ZNF551: variants seen among roughly 807,000 people sequenced by gnomAD.
The protein encoded by ZNF551 is KOX 23 protein (56 AA).
A neutral mutation model predicts 7.9 loss-of-function variants in ZNF551; 5 were observed. The observed-to-expected ratio is 0.63, with a 90% CI of 0.33 to 1.33. The LOEUF is 1.33. Among genes scored for constraint, ZNF551 ranks in the 40% most tolerant of loss-of-function variants. ZNF551 has a pLI of 0.05. For synonymous variants in ZNF551, 287 were observed against 277.3 expected (o/e 1.03, Z -0.35); for missense variants, 788 against 825.2 (o/e 0.95, Z 0.55).
At chr19:57,686,330 CAGT>C in intron 2 of ZNF551, 148 bp from the exon 3 acceptor site, 1 of 1,024,730 alleles carries the variant, frequency 9.8e-7, no homozygotes, top group South Asian at 1.7e-5. Flanking sequence ...TTAAAAAACC[CAGT>C]ACTTCAAACC....
At position 57,686,928 on chromosome 19, in the gene ZNF551, A is replaced by G. The variant is rs10413864; in HGVS notation, c.653A>G (p.Asn218Ser). Residue 218 changes from asparagine (N) to serine (S), a missense_variant, in exon 3 of 3, where the codon AAT becomes AGT. Transcript: ENST00000282296. ...SSSKHIQAFF[N>S]AKSYYKWGEY... The stretch of plus-strand genomic sequence containing the variant: ...AGCAAGCATATACAGGCATTTTTCA[A>G]TGCAAAAAGTTATTACAAGTGGGGT... 4,271 of 1,614,174 alleles carry G rather than the reference A, an allele frequency of 2.6e-3. 92 individuals carry two copies. In the African/African-American group the frequency reaches 0.047, roughly 18 times the overall value.
chr19:57,684,806 T>C (rs1984501571), intron 1 of ZNF551, among the ~76,000 whole-genome samples: 1 of 152,066 alleles, frequency 6.6e-6, no homozygotes, highest in Non-Finnish European at 1.5e-5. Context: ...GAGACAGGTG[T>C]GGTTCAAAGA....
chr19:57,687,504 G>C lies in ZNF551; in HGVS notation c.1229G>C (p.Arg410Thr), dbSNP rs772769717. The change falls in exon 3 of 3, where the codon AGA (arginine) becomes ACA (threonine). Residue 410 changes from arginine to threonine, a missense_variant. Coordinates refer to ENST00000282296, the MANE Select transcript of ZNF551 (RefSeq NM_138347.5). ...FRQIFNLIRH[R>T]RVHTGEMPYQ... ...CAAATCTTCAATCTCATTCGACATAGAAGAGTTCACACTGGAGAAATGCCT... is the reference window on the plus strand; with the variant it reads ...CAAATCTTCAATCTCATTCGACATACAAGAGTTCACACTGGAGAAATGCCT... 1 of 1,613,798 alleles carries C rather than the reference G, an allele frequency of 6.2e-7. No individual in the cohort carries two copies. The highest frequency in any genetic ancestry group is 1.1e-5 in the South Asian group (1 of 91,068).
At chr19:57,685,120 G>A in intron 1 of ZNF551, 142 bp from the exon 2 acceptor site, 2 of 1,032,134 alleles carry the variant, frequency 1.9e-6, no homozygotes, top group South Asian at 1.5e-5. Flanking sequence ...TGGAACTGTG[G>A]GGAGAGGGTA....
chr19:57,687,579 T>C lies in ZNF551; in HGVS notation c.1304T>C (p.Ile435Thr), dbSNP rs375231517. Residue 435 changes from isoleucine (I) to threonine (T), a missense_variant, in exon 3 of 3, where the codon ATT (isoleucine) becomes ACT (threonine). Physicochemically the swap from Ile to Thr is moderately conservative, Grantham distance 89 (BLOSUM62 -1). Coordinates refer to ENST00000282296, the MANE Select transcript of ZNF551 (RefSeq NM_138347.5). The part of the protein sequence containing the change: ...GKSFSCKSEL[I>T]QHQRIHSGER... ...TCTTTTAGCTGCAAATCGGAACTCA[T>C]TCAACACCAGAGAATTCACAGTGGA... 6.2e-7 allele frequency: 1 copy of C among 1,614,218 alleles called. No homozygotes were observed.
chr19:57,682,591 G>A (rs988276810), intron 1 of ZNF551, among the ~76,000 whole-genome samples: 1 of 152,212 alleles, frequency 6.6e-6, no homozygotes, highest in African/African-American at 2.4e-5. Context: ...GGGACACTGG[G>A]CTAGGATTTC....
intron 1 of ZNF551, 27 bp downstream of exon 1, chr19:57,682,271 C>T (rs1430474283): frequency 5.2e-6 from 8 of 1,547,266 alleles, no homozygotes; most frequent in East Asian, 4.9e-5. Flanking sequence ...CCGGGTCTCG[C>T]CTACCTCCCC....
intron 2 of ZNF551, among the ~76,000 whole-genome samples, chr19:57,686,115 A>G (rs144118561): frequency 1.5e-3 from 225 of 152,308 alleles, no homozygotes; most frequent in African/African-American, 5.1e-3. Context: ...AGCCTCAAAT[A>G]GTCCTCCTTG....
At position 57,688,637 on chromosome 19, in the gene ZNF551, G is replaced by A. The variant is rs1420981843; in HGVS notation, c.*349G>A. 4.1e-6 allele frequency: 1 copy of A among 241,060 alleles called. No individual in the cohort carries two copies. Among genetic ancestry groups the A allele is most frequent in the Non-Finnish European group, 8.2e-6 (1 of 122,442 alleles). The allele number at this position is 241,060 out of a possible 1,614,324, so 14.9% of individuals were successfully genotyped here. A position where few individuals can be genotyped will look rare whatever the true frequency, so the allele number is the denominator to read the frequency against. ...AATTATTAATAGCCCAAGCATGTAG[G>A]GTCTTCATGTCTTTTCTCTGACTTT... is the stretch of plus-strand genomic sequence containing the variant. On this transcript the variant is annotated 3_prime_UTR_variant, in exon 3 of 3. Coordinates refer to ENST00000282296, the MANE Select transcript of ZNF551 (RefSeq NM_138347.5).
intron 1 of ZNF551, among the ~76,000 whole-genome samples, chr19:57,683,044 T>A (rs971468078): frequency 4.6e-5 from 7 of 152,180 alleles, no homozygotes; most frequent in African/African-American, 2.4e-5. Context: ...CCGGAATGGT[T>A]CCCTGAGAAG....
chr19:57,687,818 A>G lies in ZNF551; in HGVS notation c.1543A>G (p.Lys515Glu), dbSNP rs1984627889. ...TGAATGTGGAAAATCCTTTACCCGCAAATCTGACCTCATTCAACACCGGAG... is the reference window on the plus strand; with the variant it reads ...TGAATGTGGAAAATCCTTTACCCGCGAATCTGACCTCATTCAACACCGGAG... Reference protein sequence around the residue: ...CSECGKSFTRKSDLIQHRRIH... With the variant: ...CSECGKSFTRESDLIQHRRIH... Residue 515 changes from lysine to glutamate, a missense_variant, in exon 3 of 3, where the codon AAA (lysine) becomes GAA (glutamate). By Grantham distance (56) the Lys-to-Glu change is moderately conservative. Transcript: ENST00000282296. 2 of 1,614,016 alleles carry G rather than the reference A, an allele frequency of 1.2e-6. No homozygotes were observed. Among genetic ancestry groups the G allele is most frequent in the East Asian group, 2.2e-5 (1 of 44,890 alleles).
intron 1 of ZNF551, 112 bp from the exon 2 acceptor site, chr19:57,685,146 GTGGC>G: frequency 7.0e-7 from 1 of 1,420,452 alleles, no homozygotes; most frequent in Non-Finnish European, 9.6e-7. Context: ...CGGTGGCACT[GTGGC>G]TGGTTATCTC....
rs1984642020 is a variant in ZNF551 at position 57,688,047 on chromosome 19, A to C, written c.1772A>C (p.Glu591Ala). ...GGAGAAAGGCCTTATGAATGTAGTG[A>C]ATGTGGGAAATCCTTTAGCCAGAGC... ...HTGERPYECS[E>A]CGKSFSQSSS... Residue 591 changes from glutamate (E) to alanine (A), a missense_variant, in exon 3 of 3, where the codon GAA (glutamate) becomes GCA (alanine). Glu to Ala is a moderately radical substitution (Grantham distance 107). Coordinates refer to ENST00000282296, the MANE Select transcript of ZNF551 (RefSeq NM_138347.5). 1 of 1,614,222 alleles carries C rather than the reference A, an allele frequency of 6.2e-7. No homozygotes were observed. The highest frequency in any genetic ancestry group is 1.3e-5 in the African/African-American group (1 of 75,062).
At position 57,686,957 on chromosome 19, in the gene ZNF551, T is replaced by C; in HGVS notation, c.682T>C (p.Tyr228His). ...AAAAAGTTATTACAAGTGGGGTGAA[T>C]ACAGAAAAGCTTCAAGCCACAAACA... ...NAKSYYKWGE[Y>H]RKASSHKHTL... is the part of the protein sequence containing the mutation. The change falls in exon 3 of 3, where the codon TAC (tyrosine) becomes CAC (histidine). Residue 228 changes from tyrosine to histidine, a missense_variant. By Grantham distance (83) the Tyr-to-His change is moderately conservative. Coordinates refer to ENST00000282296, the MANE Select transcript of ZNF551 (RefSeq NM_138347.5). The C allele has an allele frequency of 1.2e-6, 2 of 1,614,096 alleles. No homozygotes were observed. The highest frequency in any genetic ancestry group is 1.7e-6 in the Non-Finnish European group (2 of 1,180,026).
chr19:57,690,261 A>G lies in ZNF551; in HGVS notation c.*1973A>G, dbSNP rs1984719368. ...AAATGAATTTGTGTGTCACCCATAT[A>G]TTTACCTTGTATCTTTTTATAATCT... is the stretch of plus-strand genomic sequence containing the variant. On this transcript the variant is annotated 3_prime_UTR_variant, in exon 3 of 3. Coordinates refer to ENST00000282296, the MANE Select transcript of ZNF551 (RefSeq NM_138347.5). 1 of 152,100 alleles carries G rather than the reference A, an allele frequency of 6.6e-6. No homozygotes were observed. The highest frequency in any genetic ancestry group is 6.6e-5 in the Admixed American group (1 of 15,264). The allele number at this position is 152,100 out of a possible 1,614,324, so 9.4% of individuals were successfully genotyped here.
Position 57,687,917 on chromosome 19 carries a change from C to T in ZNF551, c.1642C>T (p.Gln548Ter), listed in dbSNP as rs376277556. ...KSFRQRSGLI[Q>*]HRRLHTGERP... The stretch of plus-strand genomic sequence containing the variant: ...TTTTAGACAGCGCTCTGGCCTCATT[C>T]AGCACCGGAGACTTCATACTGGAGA... Residue 548 changes from glutamine (Q) to a stop codon, truncating the protein, a stop_gained, in exon 3 of 3, where the codon CAG becomes TAG. Coordinates refer to ENST00000282296, the MANE Select transcript of ZNF551 (RefSeq NM_138347.5). LOFTEE classifies it low-confidence loss of function (END_TRUNC). 1.9e-6 allele frequency: 3 copies of T among 1,614,200 alleles called. No homozygotes were observed. In the African/African-American group the frequency reaches 4.0e-5, roughly 22 times the overall value.
chr19:57,682,125 G>A lies in ZNF551; in HGVS notation c.-39G>A. 6.5e-7 allele frequency: 1 copy of A among 1,533,478 alleles called. No individual in the cohort carries two copies. The highest frequency in any genetic ancestry group is 8.8e-7 in the Non-Finnish European group (1 of 1,138,742). 95.0% of individuals were successfully genotyped at this position (1,533,478 alleles called of 1,614,324 possible). On this transcript the variant is annotated 5_prime_UTR_variant, in exon 1 of 3. Transcript: ENST00000282296. ...GAGGTTCTGCGACACCACCTCGGGT[G>A]AGCTGCGCCAGGCCCGGGATAGGGA...
chr19:57,685,519 G>C, intron 2 of ZNF551, 134 bp downstream of exon 2: 1 of 1,390,412 alleles, frequency 7.2e-7, no homozygotes, highest in Non-Finnish European at 1.0e-6. Context: ...ACTGTGTACA[G>C]ATTCATGGTA....
Position 57,687,665 on chromosome 19 carries a change from C to T in ZNF551, c.1390C>T (p.Arg464Ter), listed in dbSNP as rs776705920. 66 of 1,614,014 alleles carry T rather than the reference C, an allele frequency of 4.1e-5. No individual in the cohort carries two copies. Among genetic ancestry groups the T allele is most frequent in the African/African-American group, 5.3e-5 (4 of 74,892 alleles). The change falls in exon 3 of 3, where the codon CGA becomes TGA. Residue 464 changes from arginine to a stop codon, truncating the protein, a stop_gained. Coordinates refer to ENST00000282296, the MANE Select transcript of ZNF551 (RefSeq NM_138347.5). LOFTEE classifies it low-confidence loss of function (END_TRUNC). Reference sequence around the variant, plus strand: ...CTTTAGACAATTCTCTAACCTCATTCGACACCGCAGCATTCACACTGGTGA... The same window carrying T: ...CTTTAGACAATTCTCTAACCTCATTTGACACCGCAGCATTCACACTGGTGA... ...KSFRQFSNLIRHRSIHTGDRP... is the reference protein window; with the variant it reads ...KSFRQFSNLI
Sources: gnomAD v4.1 joint callset for allele counts (sites outside exome capture counted in the v4.1 genomes callset) on GRCh38, gnomAD v4.1.1 for gene constraint, MANE v1.5 for transcripts, NCBI Gene and HGNC (gene_info 2026-07-23, HGNC 2026-07-21) for gene names.